LRRFIP1: variants seen among roughly 807,000 people sequenced by gnomAD.
The protein encoded by LRRFIP1 is LRR binding FLII interacting protein 1.
In LRRFIP1, 62 loss-of-function variants were observed where a neutral mutation model predicts 104.4. The observed-to-expected ratio is 0.59, with a 90% CI of 0.48 to 0.73. LRRFIP1 has a LOEUF of 0.73. Among genes scored for constraint, LRRFIP1 ranks in the 30% least tolerant of loss-of-function variants. The pLI is 0.00. For missense variants in LRRFIP1, 796 were observed against 824.5 expected (o/e 0.97, Z 0.42); for synonymous variants, 300 against 299.0 (o/e 1.00, Z -0.03).
At chr2:237,753,621 C>A in intron 15 of LRRFIP1, 142 bp downstream of exon 15, 1 of 601,374 alleles carries the variant, frequency 1.7e-6, no homozygotes, top group Non-Finnish European at 2.7e-6. Context: ...CATGGCGAGA[C>A]ATCATTTCTA....
chr2:237,721,039 T>A, intron 6 of LRRFIP1: 1 of 511,228 alleles, frequency 2.0e-6, no homozygotes, highest in African/African-American at 1.9e-5. Flanking sequence ...GTTGTTTCTT[T>A]CTCCCGAGAT....
rs1281793583 is a variant in LRRFIP1, at chr2:237,757,471, C to T, written c.1147C>T (p.Gln383Ter). 2.5e-6 allele frequency: 4 copies of T among 1,592,684 alleles called. No homozygotes were observed. The Admixed American group carries it at 5.3e-5, about 21-fold the overall frequency. Reference protein sequence around the residue: ...EEMLEEIRQLQQKQASSIREI... With the variant: ...EEMLEEIRQL ...CTTTCCTCAGGAAATCCGACAGCTA[C>T]AGCAGAAACAGGCGAGTTCTATCAG... The change falls in exon 17 of 24, where the codon CAG becomes TAG. Residue 383 changes from glutamine (Q) to a stop codon, truncating the protein, a stop_gained. Coordinates refer to ENST00000308482, the MANE Select transcript of LRRFIP1 (RefSeq NM_001137550.2). LOFTEE classifies it high-confidence loss of function.
intron 1 of LRRFIP1, among the ~76,000 whole-genome samples, chr2:237,666,309 T>C (rs1345939180): frequency 1.1e-4 from 16 of 152,286 alleles, no homozygotes; most frequent in Non-Finnish European, 2.1e-4. Context: ...GTTTTTGGTT[T>C]CTTTTAAATT....
chr2:237,711,063 AC>A lies in LRRFIP1; in HGVS notation c.183+2437del, dbSNP rs1361633143. Among the ~76,000 whole-genome samples the A allele has an allele frequency of 6.6e-6, 1 of 151,962 alleles. No homozygotes were observed. Among genetic ancestry groups the A allele is most frequent in the Non-Finnish European group, 1.5e-5 (1 of 67,988 alleles). On this transcript the variant is annotated intron_variant, in intron 2 of 23. Coordinates refer to ENST00000308482, the MANE Select transcript of LRRFIP1 (RefSeq NM_001137550.2). The surrounding 1 kb of genome is among the most constrained non-coding windows in gnomAD (Gnocchi z 4.4). ...ACTCCAGCTGGGGCAACATAATGAG[AC>A]CCCTATCTCTTTCAAAAAGTAAAAA...
At chr2:237,750,326 C>CTTTTTTTTTTTTTTTT (rs928510240) in intron 13 of LRRFIP1, among the ~76,000 whole-genome samples, 4 of 60,702 alleles carry the variant, frequency 6.6e-5, no homozygotes, top group Non-Finnish European at 9.2e-5. Context: ...TTCTTTCTTT[C>CTTTTTTTTTTTTTTTT]TTTTTTTTTT....
intron 1 of LRRFIP1, among the ~76,000 whole-genome samples, chr2:237,651,234 G>C (rs931270836): frequency 2.6e-5 from 4 of 151,838 alleles, no homozygotes; most frequent in African/African-American, 9.7e-5. Flanking sequence ...TCTTTTTCTG[G>C]GTGTCTTTGC....
chr2:237,727,268 A>G (rs144781847), intron 7 of LRRFIP1, among the ~76,000 whole-genome samples: 146 of 152,090 alleles, frequency 9.6e-4, no homozygotes, highest in Middle Eastern at 3.4e-3. Context: ...AGGCAGGAGA[A>G]TCACTTGAAC....
At chr2:237,753,790 CA>C (rs749198309) in intron 15 of LRRFIP1, among the ~76,000 whole-genome samples, 3,019 of 74,716 alleles carry the variant, frequency 0.04, 74 homozygotes, top group African/African-American at 0.13. Flanking sequence ...GACACTGTCT[CA>C]AAAAAAAAAA....
chr2:237,667,152 A>G (rs1004389845), intron 1 of LRRFIP1, among the ~76,000 whole-genome samples: 1 of 151,562 alleles, frequency 6.6e-6, no homozygotes, highest in Non-Finnish European at 1.5e-5. Context: ...TGCTTTAGGT[A>G]TTTGTCCTAA....
At chr2:237,638,588 T>TGTGCTCTGTGTCTGTGCA (rs1339546396) in intron 1 of LRRFIP1, among the ~76,000 whole-genome samples, 1 of 152,252 alleles carries the variant, frequency 6.6e-6, no homozygotes, top group Non-Finnish European at 1.5e-5. Flanking sequence ...TATAGGACTC[T>TGTGCTCTGTGTCTGTGCA]GTGCTCTGTG....
intron 2 of LRRFIP1, among the ~76,000 whole-genome samples, chr2:237,709,361 G>A (rs1215538199): frequency 2.6e-5 from 4 of 152,150 alleles, no homozygotes; most frequent in African/African-American, 7.2e-5. Context: ...ATGCCCTGTG[G>A]GGCCAAGGGA....
chr2:237,649,854 A>T lies in LRRFIP1; in HGVS notation c.96+22114A>T, dbSNP rs2085625299. On this transcript the variant is annotated intron_variant, in intron 1 of 23. Transcript: ENST00000308482. This position sits in a 1 kb window ranked among gnomAD's most constrained non-coding sequence, Gnocchi z 4.1. ...CTTTTCCTCCGATTCAACAAAAAAA[A>T]AAATTGATTACCCCCCGGCATGTCC... Among the ~76,000 whole-genome samples, 1 of 147,458 alleles carries T rather than the reference A, an allele frequency of 6.8e-6. No homozygotes were observed. Among genetic ancestry groups the T allele is most frequent in the Admixed American group, 6.6e-5 (1 of 15,070 alleles).
intron 1 of LRRFIP1, among the ~76,000 whole-genome samples, chr2:237,682,196 GA>G (rs2091917758): frequency 1.3e-5 from 2 of 152,258 alleles, no homozygotes; most frequent in South Asian, 2.1e-4. Flanking sequence ...TGTTTTGCGG[GA>G]AAAAAATAAT....
In LRRFIP1 at chr2:237,779,455, G is replaced by A. The variant is rs201198398; in HGVS notation, c.1846G>A (p.Glu616Lys). Reference protein sequence around the residue: ...RSALDKTEELEVSNGHLVKRL... With the variant: ...RSALDKTEELKVSNGHLVKRL... Reference sequence around the variant, plus strand: ...TGCATTGGATAAAACAGAAGAGCTCGAGGTGAGCAACGGCCACTTAGTGAA... The same window carrying A: ...TGCATTGGATAAAACAGAAGAGCTCAAGGTGAGCAACGGCCACTTAGTGAA... The change falls in exon 24 of 24, where the codon GAG (glutamate) becomes AAG (lysine). Residue 616 changes from glutamate to lysine, a missense_variant. Glu to Lys is a moderately conservative substitution (Grantham distance 56). Transcript: ENST00000308482. 4.1e-5 allele frequency: 66 copies of A among 1,613,792 alleles called. No individual in the cohort carries two copies. Among genetic ancestry groups the A allele is most frequent in the East Asian group, 8.9e-5 (4 of 44,874 alleles).
At chr2:237,696,598 C>T (rs1432451787) in intron 1 of LRRFIP1, among the ~76,000 whole-genome samples, 1 of 152,224 alleles carries the variant, frequency 6.6e-6, no homozygotes, top group African/African-American at 2.4e-5. Context: ...ATCGTTTTCT[C>T]TCAGTTTTTC....
intron 1 of LRRFIP1, among the ~76,000 whole-genome samples, chr2:237,677,630 C>G (rs1307466076): frequency 1.3e-5 from 2 of 152,082 alleles, no homozygotes; most frequent in Non-Finnish European, 2.9e-5. Context: ...CAATCTCTAC[C>G]CAAAAAACTA....
At chr2:237,682,020 A>G (rs1559533169) in intron 1 of LRRFIP1, among the ~76,000 whole-genome samples, 1 of 152,092 alleles carries the variant, frequency 6.6e-6, no homozygotes, top group Non-Finnish European at 1.5e-5. Context: ...AAGCAACAAC[A>G]CAGTGCTGGG....
At chr2:237,730,941 C>T (rs1392735032) in intron 8 of LRRFIP1, among the ~76,000 whole-genome samples, 1 of 148,232 alleles carries the variant, frequency 6.7e-6, no homozygotes, top group Non-Finnish European at 1.5e-5. Flanking sequence ...AACAAACAAA[C>T]AAACAAATAG....
intron 1 of LRRFIP1, among the ~76,000 whole-genome samples, chr2:237,632,603 C>T (rs796515714): frequency 3.9e-5 from 6 of 152,222 alleles, no homozygotes; most frequent in Admixed American, 6.5e-5. Flanking sequence ...CCAAATAGCC[C>T]TCCTATATCA....
Sources: gnomAD v4.1 joint callset for allele counts (sites outside exome capture counted in the v4.1 genomes callset) on GRCh38, gnomAD v4.1.1 for gene constraint, Gnocchi (gnomAD v3.1) non-coding constraint, MANE v1.5 for transcripts, NCBI Gene and HGNC (gene_info 2026-07-23, HGNC 2026-07-21) for gene names.